Variants in DAB1 observed in about 807,000 individuals in gnomAD.
DAB1 encodes the protein DAB adaptor protein 1, also known as disabled homolog 1.
DAB1 carries 15 observed loss-of-function variants against 64.6 expected under a neutral mutation model. The observed-to-expected ratio is 0.23, with a 90% CI of 0.16 to 0.36. The LOEUF is 0.36. Ranked by LOEUF, DAB1 falls within the 10% of genes least tolerant of loss-of-function variation. The probability of loss-of-function intolerance (pLI) is 1.00; values close to 1 mark genes in which losing one functional copy is unlikely to be tolerated. For missense variants in DAB1, 596 were observed against 706.7 expected, an observed-to-expected ratio of 0.84 and a Z score of 1.78; for synonymous variants, 235 against 251.9, an observed-to-expected ratio of 0.93 and a Z score of 0.64.
chr1:58,382,212 G>A (rs1474373710), intron 3 of DAB1, among the ~76,000 whole-genome samples: 2 of 152,132 alleles, frequency 1.3e-5, no homozygotes, highest in Non-Finnish European at 1.5e-5. Flanking sequence ...ATATCTTGGT[G>A]TGGAAGAGAA....
At position 58,256,719 on chromosome 1, in the gene DAB1, C is replaced by T. The variant is rs146260467; in HGVS notation, n.309+86633G>A. Among the ~76,000 whole-genome samples, 681 of 151,028 alleles carry T rather than the reference C, an allele frequency of 4.5e-3. 1 individual carries two copies. Among genetic ancestry groups the T allele is most frequent in the Middle Eastern group, 0.01 (3 of 292 alleles). ...TTGCAGTCATGGGCTTTTTATTGTTCATCTCCATAGCCCCAAAATCTATAG... is the reference window on the plus strand; with the variant it reads ...TTGCAGTCATGGGCTTTTTATTGTTTATCTCCATAGCCCCAAAATCTATAG... On this transcript the variant is annotated intron_variant and non_coding_transcript_variant, in intron 4 of 20. Transcript: ENST00000485760.
At position 58,406,468 on chromosome 1, in the gene DAB1, C is replaced by T. The variant is rs75657448; in HGVS notation, n.258-63065G>A. On this transcript the variant is annotated intron_variant and non_coding_transcript_variant, in intron 3 of 20. Coordinates refer to the DAB1 transcript ENST00000485760. ...AACGAGGACATGATCCAGCCCTGGG[C>T]GTTTCCGGCCACTTTCAAAGCCATA... is the stretch of plus-strand genomic sequence containing the variant. 3.0e-3 allele frequency among the ~76,000 whole-genome samples: 455 copies of T among 152,330 alleles called. 16 individuals are homozygous for T. In the East Asian group the frequency reaches 0.076, roughly 26 times the overall value.
chr1:58,005,453 G>T (rs973255615), intron 5 of DAB1, among the ~76,000 whole-genome samples: 1 of 152,074 alleles, frequency 6.6e-6, no homozygotes, highest in African/African-American at 2.4e-5. Context: ...CAAGTGTGTG[G>T]CCAGAGGACA....
chr1:58,502,844 A>T (rs1645927987), intron 3 of DAB1, among the ~76,000 whole-genome samples: 1 of 152,220 alleles, frequency 6.6e-6, no homozygotes, highest in African/African-American at 2.4e-5. Context: ...AATTGAATTT[A>T]ATCACTTGGG....
intron 3 of DAB1, among the ~76,000 whole-genome samples, chr1:58,473,511 C>T (rs917618426): frequency 2.0e-5 from 3 of 151,646 alleles, no homozygotes. Flanking sequence ...CACTGCACTC[C>T]AGCCTGGGCG....
chr1:57,999,734 C>T (rs1646478560), intron 5 of DAB1, among the ~76,000 whole-genome samples: 1 of 152,000 alleles, frequency 6.6e-6, no homozygotes, highest in Non-Finnish European at 1.5e-5. Context: ...GTCAGTAGTG[C>T]TGAGGTTTAA....
intron 5 of DAB1, among the ~76,000 whole-genome samples, chr1:58,111,916 G>C (rs932129853): frequency 6.6e-6 from 1 of 152,150 alleles, no homozygotes; most frequent in African/African-American, 2.4e-5. Flanking sequence ...AGATGCTACA[G>C]TAATGATCTA....
chr1:58,336,166 T>G (rs1281103759), intron 4 of DAB1, among the ~76,000 whole-genome samples: 3 of 152,218 alleles, frequency 2.0e-5, no homozygotes, highest in African/African-American at 7.2e-5. Flanking sequence ...ATTTTTAAAT[T>G]GGATGTAAAA....
At chr1:57,300,824 C>T (rs1340942989) in intron 1 of DAB1, among the ~76,000 whole-genome samples, 2 of 152,158 alleles carry the variant, frequency 1.3e-5, no homozygotes, top group Non-Finnish European at 2.9e-5. Flanking sequence ...AACAGTAGCA[C>T]ATGTATGTAC....
At chr1:58,338,164 T>A (rs1663167251) in intron 4 of DAB1, among the ~76,000 whole-genome samples, 1 of 152,202 alleles carries the variant, frequency 6.6e-6, no homozygotes, top group Non-Finnish European at 1.5e-5. Context: ...TAAACCTTGA[T>A]GTTTGAAAAT....
At chr1:57,927,956 C>A (rs1644903412) in intron 5 of DAB1, among the ~76,000 whole-genome samples, 1 of 152,046 alleles carries the variant, frequency 6.6e-6, no homozygotes, top group African/African-American at 2.4e-5. Flanking sequence ...TCCACCAATC[C>A]ATGTTATTTT....
At chr1:57,434,920 A>G (rs11207033) in intron 7 of DAB1, among the ~76,000 whole-genome samples, 35,183 of 152,094 alleles carry the variant, frequency 0.23, 4,785 homozygotes, top group African/African-American at 0.39. Context: ...GTCAGTGAGT[A>G]AGTGGCGAGT....
chr1:57,812,044 A>G (rs940009979), intron 6 of DAB1, among the ~76,000 whole-genome samples: 4 of 151,998 alleles, frequency 2.6e-5, no homozygotes, highest in Non-Finnish European at 2.9e-5. Flanking sequence ...TGAAGCCTAC[A>G]CCTCTCCTTT....
At chr1:58,185,278 G>A (rs1265951881) in intron 4 of DAB1, among the ~76,000 whole-genome samples, 1 of 152,142 alleles carries the variant, frequency 6.6e-6, no homozygotes, top group East Asian at 1.9e-4. Flanking sequence ...ATGGGTTTAT[G>A]GTCTCATTAT....
At chr1:57,535,797 C>T (rs1001764888) in intron 7 of DAB1, among the ~76,000 whole-genome samples, 2 of 152,330 alleles carry the variant, frequency 1.3e-5, no homozygotes, top group African/African-American at 4.8e-5. Context: ...CATAGTGCTA[C>T]CCATTGTCTA....
intron 5 of DAB1, among the ~76,000 whole-genome samples, chr1:58,083,138 G>A (rs1323059488): frequency 6.6e-6 from 1 of 152,044 alleles, no homozygotes; most frequent in Non-Finnish European, 1.5e-5. Flanking sequence ...GGTGTGAGAG[G>A]TATTTATGGT....
At chr1:58,004,770 G>C (rs1329385220) in intron 5 of DAB1, among the ~76,000 whole-genome samples, 1 of 152,158 alleles carries the variant, frequency 6.6e-6, no homozygotes, top group Admixed American at 6.5e-5. Flanking sequence ...TGACGTGTTT[G>C]TGAGGAGGAA....
chr1:57,997,511 G>C (rs1646443208), intron 5 of DAB1, among the ~76,000 whole-genome samples: 1 of 152,220 alleles, frequency 6.6e-6, no homozygotes, highest in African/African-American at 2.4e-5. Flanking sequence ...CTGCCTTATA[G>C]CCCCTCAGTT....
intron 5 of DAB1, among the ~76,000 whole-genome samples, chr1:57,949,541 CATCT>C (rs150691029): frequency 0.11 from 15,653 of 148,074 alleles, 942 homozygotes; most frequent in African/African-American, 0.16. Context: ...GTCTATCTAT[CATCT>C]ATCTACACAC....
Sources: allele counts gnomAD v4.1 joint callset (sites outside exome capture counted in the v4.1 genomes callset), GRCh38; gene constraint gnomAD v4.1.1; transcripts MANE v1.5; gene names NCBI Gene and HGNC (gene_info 2026-07-23, HGNC 2026-07-21).